Variants in CLTRN observed in about 807,000 individuals in gnomAD.
The protein encoded by CLTRN is collectrin.
A neutral mutation model predicts 14.5 loss-of-function variants in CLTRN; 12 were observed. The ratio of observed to expected loss-of-function variants is 0.83; its 90% CI spans 0.53 to 1.34. The LOEUF is 1.34. Among genes scored for constraint, CLTRN ranks in the 40% most tolerant of loss-of-function variants. The pLI is 0.00. For synonymous variants in CLTRN, 58 were observed against 56.5 expected, an observed-to-expected ratio of 1.03 and a Z score of -0.12; for missense variants, 154 against 165.1, an observed-to-expected ratio of 0.93 and a Z score of 0.37.
At chrX:15,646,185 G>A (rs755135757) in intron 3 of CLTRN, 86 of 171,739 alleles carry the variant, frequency 5.0e-4, no homozygotes, top group African/African-American at 2.2e-3. Flanking sequence ...CTGCAGCTGC[G>A]CGCCGCAAAG....
At chrX:15,667,433 T>C (rs1929643071), upstream of CLTRN, among the ~76,000 whole-genome samples, 1 of 111,644 alleles carries the variant, frequency 9.0e-6, no homozygotes, top group South Asian at 3.7e-4. Context: ...TTTTGAATGA[T>C]GGTTTCTCAA....
At chrX:15,648,186 G>T (rs1001162370) in intron 3 of CLTRN, among the ~76,000 whole-genome samples, 8 of 110,143 alleles carry the variant, frequency 7.3e-5, no homozygotes, top group African/African-American at 2.3e-4. Context: ...CCATAGCAGA[G>T]AATTGGAACA....
At chrX:15,668,583 C>A (rs1278620245), upstream of CLTRN, among the ~76,000 whole-genome samples, 1 of 111,717 alleles carries the variant, frequency 9.0e-6, no homozygotes, top group African/African-American at 3.3e-5. Context: ...GATTTTTAAA[C>A]CTATTTTCTT....
intron 1 of CLTRN, among the ~76,000 whole-genome samples, chrX:15,670,570 T>C (rs1236707940): frequency 8.9e-6 from 1 of 111,734 alleles, no homozygotes; most frequent in Non-Finnish European, 1.9e-5. Context: ...CTCTTTAAAT[T>C]GTCAGTGTTA....
chrX:15,663,680 G>A (rs1414200391), intron 2 of CLTRN, among the ~76,000 whole-genome samples: 2 of 112,018 alleles, frequency 1.8e-5, no homozygotes, highest in African/African-American at 6.5e-5. Flanking sequence ...CTGTTTCTAT[G>A]CCTAAGGCAT....
Position 15,652,676 on chromosome X carries a change from C to CA in CLTRN, c.203+6339dup, listed in dbSNP as rs750723121. Among the ~76,000 whole-genome samples, 16 of 112,017 alleles carry CA rather than the reference C, an allele frequency of 1.4e-4. 1 individual carries two copies. The East Asian group carries it at 4.2e-3, about 29-fold the overall frequency. On this transcript the variant is annotated intron_variant, in intron 3 of 5. Coordinates refer to ENST00000380342, the MANE Select transcript of CLTRN (RefSeq NM_020665.6). ...TTGAACTGTATCATGAACATGGTCA[C>CA]ACCACAAGTAAAGTCAGAAGTAAGA... is the stretch of plus-strand genomic sequence containing the variant.
chrX:15,651,470 A>T (rs1398260985), intron 3 of CLTRN, among the ~76,000 whole-genome samples: 3 of 110,804 alleles, frequency 2.7e-5, no homozygotes, highest in African/African-American at 9.9e-5. Context: ...TAGACCCAGG[A>T]CATGGGGAGG....
chrX:15,648,925 C>T (rs1000724863), intron 3 of CLTRN, among the ~76,000 whole-genome samples: 3 of 112,059 alleles, frequency 2.7e-5, no homozygotes, highest in Non-Finnish European at 5.6e-5. Context: ...AATAGAATTT[C>T]AGGCATAAAA....
chrX:15,641,652 G>GTGTC (rs1365973817), intron 4 of CLTRN, among the ~76,000 whole-genome samples: 23 of 108,433 alleles, frequency 2.1e-4, no homozygotes, highest in African/African-American at 7.8e-4. Context: ...GTGTGTGTGT[G>GTGTC]TGTGTGTGTG....
chrX:15,654,601 AT>A (rs1189294921), intron 3 of CLTRN, among the ~76,000 whole-genome samples: 1 of 112,388 alleles, frequency 8.9e-6, no homozygotes, highest in Non-Finnish European at 1.9e-5. Context: ...CCTTAACTTC[AT>A]TTTTCCATCT....
chrX:15,671,773 T>C (rs1254077023), intron 1 of CLTRN, among the ~76,000 whole-genome samples: 2 of 111,021 alleles, frequency 1.8e-5, no homozygotes, highest in Non-Finnish European at 3.8e-5. Flanking sequence ...TAAATGAGCT[T>C]ATTTTAATAA....
At chrX:15,659,860 T>C (rs1164579602) in intron 2 of CLTRN, among the ~76,000 whole-genome samples, 1 of 111,524 alleles carries the variant, frequency 9.0e-6, no homozygotes, top group Non-Finnish European at 1.9e-5. Flanking sequence ...TGAGAGAAAA[T>C]AAATTTCCGT....
intron 5 of CLTRN, among the ~76,000 whole-genome samples, chrX:15,635,869 A>C (rs1371028800): frequency 8.9e-6 from 1 of 111,984 alleles, no homozygotes; most frequent in African/African-American, 3.2e-5. Flanking sequence ...CAAATAACCC[A>C]ATTTTAAAAT....
chrX:15,655,770 G>A (rs965021865), intron 3 of CLTRN, among the ~76,000 whole-genome samples: 1 of 111,686 alleles, frequency 9.0e-6, no homozygotes, highest in Non-Finnish European at 1.9e-5. Context: ...TACTCTAGTG[G>A]CAACTTGACG....
rs191971786 is a variant in CLTRN, at chrX:15,629,364, G to A, written c.513-1237C>T. On this transcript the variant is annotated intron_variant, in intron 5 of 5. Transcript: ENST00000380342. ...GAGATGGAATTCCTATTAGTCCTGC[G>A]TGAGAATGTGCTTTAAAGGATATGG... 1.4e-3 allele frequency among the ~76,000 whole-genome samples: 159 copies of A among 110,458 alleles called. 1 individual carries two copies. The highest frequency in any genetic ancestry group is 5.0e-3 in the African/African-American group (151 of 30,351).
chrX:15,629,908 C>T (rs903761102), intron 5 of CLTRN, among the ~76,000 whole-genome samples: 6 of 111,604 alleles, frequency 5.4e-5, no homozygotes, highest in East Asian at 5.6e-4. Flanking sequence ...GTTCCAGCCC[C>T]GCCCCCTCCA....
chrX:15,646,462 A>ACCCCCCCCCCCCCCCCCC (rs111413791), intron 3 of CLTRN: 26 of 177,510 alleles, frequency 1.5e-4, no homozygotes, highest in East Asian at 4.5e-4. Context: ...CCGCGCACCC[A>ACCCCCCCCCCCCCCCCCC]CCCCCCCGCC....
At chrX:15,646,457 CACCCA>C in intron 3 of CLTRN, 1 of 250,899 alleles carries the variant, frequency 4.0e-6, no homozygotes, top group Non-Finnish European at 7.3e-6. Context: ...GAAAACCGCG[CACCCA>C]CCCCCCCGCC....
At chrX:15,659,958 A>G (rs1397068648) in intron 2 of CLTRN, among the ~76,000 whole-genome samples, 1 of 112,357 alleles carries the variant, frequency 8.9e-6, no homozygotes, top group Non-Finnish European at 1.9e-5. Flanking sequence ...TCCTTAATGC[A>G]GTAAATGCAA....
Sources: allele counts gnomAD v4.1 joint callset (sites outside exome capture counted in the v4.1 genomes callset), GRCh38; gene constraint gnomAD v4.1.1; transcripts MANE v1.5; gene names NCBI Gene and HGNC (gene_info 2026-07-23, HGNC 2026-07-21).